Variants in POLR2E observed in about 807,000 individuals in gnomAD.
POLR2E encodes the protein RNA polymerase II, I and III subunit E, also known as DNA-directed RNA polymerases I, II, and III subunit RPABC1.
POLR2E carries 35 observed loss-of-function variants against 29.8 expected under a neutral mutation model. That is an observed-to-expected ratio of 1.17 (90% CI 0.90 to 1.55). The LOEUF (loss-of-function observed/expected upper bound fraction) is 1.55, where lower values mean the gene tolerates loss of function less well. Ranked by LOEUF, POLR2E falls within the 40% of genes most tolerant of loss-of-function variation. POLR2E has a pLI of 0.00. For synonymous variants in POLR2E, 174 were observed against 112.6 expected (o/e 1.55, Z -3.45); for missense variants, 287 against 288.6 (o/e 0.99, Z 0.04).
intron 3 of POLR2E, among the ~76,000 whole-genome samples, chr19:1,091,232 A>G (rs909734327): frequency 2.0e-5 from 3 of 152,184 alleles, no homozygotes; most frequent in Non-Finnish European, 2.9e-5. Flanking sequence ...TCCATCCATC[A>G]CACGCTTCCA....
In POLR2E at chr19:1,089,397, GCCCTGCACACCGACGGAGGGGACGACAC is replaced by G. The variant is rs996349846; in HGVS notation, c.*14+47_*14+74del. The G allele has an allele frequency of 8.8e-4, 856 of 972,838 alleles. 1 individual carries two copies. The highest frequency in any genetic ancestry group is 1.3e-3 in the Non-Finnish European group (793 of 620,056). 60.3% of individuals were successfully genotyped at this position (972,838 alleles called of 1,614,324 possible). ...CTTGCTGCCGGACAAAGCAAGAACAGCCCTGCACACCGACGGAGGGGACGACACCCCTGCCTCTGACCCCACCTCAGTG... is the reference window on the plus strand; with the variant it reads ...CTTGCTGCCGGACAAAGCAAGAACAGCCCTGCCTCTGACCCCACCTCAGTG... On this transcript the variant is annotated intron_variant, in intron 7 of 7. Coordinates refer to ENST00000615234, the MANE Select transcript of POLR2E (RefSeq NM_002695.5).
In POLR2E at chr19:1,090,902, G is replaced by T; in HGVS notation, c.429+6C>A. ...ACGCAGGCGGGATTCCGCGGCGCGC[G>T]CCCACCTCGTGCTCCGTGATGTTGA... On this transcript the variant is annotated splice_donor_region_variant and intron_variant, in intron 4 of 7. Transcript: ENST00000615234. 6.2e-7 allele frequency: 1 copy of T among 1,611,230 alleles called. No homozygotes were observed.
chr19:1,092,196 C>G (rs551694611), intron 2 of POLR2E: 28 of 369,412 alleles, frequency 7.6e-5, no homozygotes, highest in African/African-American at 5.8e-4. Context: ...GGCTCCCACC[C>G]TGGGCAGTTC....
At chr19:1,091,646 G>C in intron 3 of POLR2E, 146 bp downstream of exon 3, 1 of 629,718 alleles carries the variant, frequency 1.6e-6, no homozygotes, top group South Asian at 1.8e-5. Flanking sequence ...GGCGGTCGGG[G>C]CTTGCCGGAC....
chr19:1,091,470 A>G, intron 3 of POLR2E: 1 of 403,280 alleles, frequency 2.5e-6, no homozygotes, highest in South Asian at 2.8e-5. Context: ...CCTGGACATC[A>G]GCTCAGGATA....
intron 2 of POLR2E, 175 bp downstream of exon 2, chr19:1,093,729 G>A: frequency 2.2e-6 from 3 of 1,392,208 alleles, no homozygotes; most frequent in Non-Finnish European, 2.8e-6. Context: ...AGCATGAGAG[G>A]GGTCAGAGAT....
In POLR2E at chr19:1,089,546, C is replaced by G; in HGVS notation, c.573G>C (p.Val191=). ...RYFGIKRGQV[V]KIIRPSETAG... is the part of the protein sequence containing the mutation. ...CCGTCTCACTGGGCCGGATGATCTTCACCACCTGCAGAGACAGAGAGCAGG... is the reference window on the plus strand; with the variant it reads ...CCGTCTCACTGGGCCGGATGATCTTGACCACCTGCAGAGACAGAGAGCAGG... Residue 191 remains valine, a synonymous_variant, in exon 7 of 8, where the codon GTG becomes GTC. Transcript: ENST00000615234. 2 of 1,613,686 alleles carry G rather than the reference C, an allele frequency of 1.2e-6. No homozygotes were observed. The highest frequency in any genetic ancestry group is 1.7e-6 in the Non-Finnish European group (2 of 1,179,696).
At position 1,088,725 on chromosome 19, in the gene POLR2E, G is replaced by GAAAGGGGGAGAGTGGTCACACA. The variant is rs2043764170; in HGVS notation, c.*15-6_*15-5insTGTGTGACCACTCTCCCCCTTT. On this transcript the variant is annotated splice_polypyrimidine_tract_variant and splice_region_variant and intron_variant, in intron 7 of 7. Coordinates refer to ENST00000615234, the MANE Select transcript of POLR2E (RefSeq NM_002695.5). Reference sequence around the variant, plus strand: ...CTGTGTGTCCGCCTCTAGGGGCTAGGAAAGGGGGAGAGTGGTCACACGACA... The same window carrying GAAAGGGGGAGAGTGGTCACACA: ...CTGTGTGTCCGCCTCTAGGGGCTAGGAAAGGGGGAGAGTGGTCACACAAAAGGGGGAGAGTGGTCACACGACA... The GAAAGGGGGAGAGTGGTCACACA allele has an allele frequency of 6.7e-6, 1 of 148,614 alleles. No homozygotes were observed. Among genetic ancestry groups the GAAAGGGGGAGAGTGGTCACACA allele is most frequent in the Non-Finnish European group, 1.5e-5 (1 of 65,502 alleles). 9.2% of individuals were successfully genotyped at this position (148,614 alleles called of 1,614,324 possible).
Position 1,093,983 on chromosome 19 carries a change from C to T in POLR2E, c.153G>A (p.Gly51=). ...KAQSGDKPSE[G]RPRRTDLTVL... ...CGGTGAGGTCCGTGCGCCGCGGCCGCCCCTCACTCGGCTTGTCCCCAGATT... is the reference window on the plus strand; with the variant it reads ...CGGTGAGGTCCGTGCGCCGCGGCCGTCCCTCACTCGGCTTGTCCCCAGATT... Residue 51 remains glycine, a synonymous_variant, in exon 2 of 8, where the codon GGG becomes GGA. Coordinates refer to ENST00000615234, the MANE Select transcript of POLR2E (RefSeq NM_002695.5). The T allele has an allele frequency of 1.2e-6, 2 of 1,613,802 alleles. No homozygotes were observed. The highest frequency in any genetic ancestry group is 3.3e-5 in the Admixed American group (2 of 59,990).
Position 1,090,050 on chromosome 19 carries a change from C to G in POLR2E, c.488+37G>C, listed in dbSNP as rs199944727. ...GGGGGAACGCGGAAGTCTCGAGGGA[C>G]AGGGAGGGGCGGGGCCGGTGGGGCT... On this transcript the variant is annotated intron_variant, in intron 5 of 7. Transcript: ENST00000615234. 1,867 of 1,560,948 alleles carry G rather than the reference C, an allele frequency of 1.2e-3. 2 individuals are homozygous for G. The highest frequency in any genetic ancestry group is 1.4e-3 in the Non-Finnish European group (1,661 of 1,147,802).
intron 3 of POLR2E, 169 bp downstream of exon 3, chr19:1,091,623 G>C (rs896932064): frequency 1.7e-6 from 1 of 601,524 alleles, no homozygotes; most frequent in African/African-American, 1.8e-5. Flanking sequence ...GCCCATGGAC[G>C]CGGTGGGAGG....
At chr19:1,089,401 T>G (rs770763096) in intron 7 of POLR2E, 71 bp downstream of exon 7, 17 of 1,022,174 alleles carry the variant, frequency 1.7e-5, no homozygotes, top group Non-Finnish European at 2.4e-5. Context: ...AGAACAGCCC[T>G]GCACACCGAC....
chr19:1,091,554 C>G (rs1726951562), intron 3 of POLR2E: 3 of 547,260 alleles, frequency 5.5e-6, no homozygotes, highest in Non-Finnish European at 9.9e-6. Context: ...AGGCACAGTG[C>G]CCTCCGCCCT....
At chr19:1,092,708 T>A (rs2043863614) in intron 2 of POLR2E, among the ~76,000 whole-genome samples, 1 of 149,486 alleles carries the variant, frequency 6.7e-6, no homozygotes, top group Non-Finnish European at 1.5e-5. Context: ...ATTAATTAAT[T>A]AATAAACAAT....
rs1373448309 is a variant in POLR2E at position 1,087,096 on chromosome 19, TCCTCCCGCCTCAG to T, written c.*1626_*1638del. 1 of 151,752 alleles carries T rather than the reference TCCTCCCGCCTCAG, an allele frequency of 6.6e-6. No homozygotes were observed. The highest frequency in any genetic ancestry group is 6.6e-5 in the Admixed American group (1 of 15,170). 9.4% of individuals were successfully genotyped at this position (151,752 alleles called of 1,614,324 possible). Reference sequence around the variant, plus strand: ...GCCTCGGCCTCCTGGGCTCAAATGATCCTCCCGCCTCAGCCTCCCAAAGTGTTGGGATTACAGG... The same window carrying T: ...GCCTCGGCCTCCTGGGCTCAAATGATCCTCCCAAAGTGTTGGGATTACAGG... On this transcript the variant is annotated 3_prime_UTR_variant, in exon 8 of 8. Coordinates refer to ENST00000615234, the MANE Select transcript of POLR2E (RefSeq NM_002695.5).
At chr19:1,089,063 C>T (rs932640504) in intron 7 of POLR2E, among the ~76,000 whole-genome samples, 1 of 152,206 alleles carries the variant, frequency 6.6e-6, no homozygotes, top group Non-Finnish European at 1.5e-5. Flanking sequence ...GAGACTCCGG[C>T]CAGTCCCTCC....
rs577896097 is a variant in POLR2E at position 1,086,811 on chromosome 19, C to G, written c.*1924G>C. On this transcript the variant is annotated 3_prime_UTR_variant, in exon 8 of 8. Coordinates refer to ENST00000615234, the MANE Select transcript of POLR2E (RefSeq NM_002695.5). ...CCCGCGAGGTGGGAGCCCGGGTGGT[C>G]TTCACCACAGGCTGTGCAGACGGTC... The G allele has an allele frequency of 6.6e-6, 1 of 152,152 alleles. No homozygotes were observed. Among genetic ancestry groups the G allele is most frequent in the African/African-American group, 2.4e-5 (1 of 41,402 alleles). The allele number at this position is 152,152 out of a possible 1,614,324, so 9.4% of individuals were successfully genotyped here. A position where few individuals can be genotyped will look rare whatever the true frequency, so the allele number is the denominator to read the frequency against.
intron 7 of POLR2E, 42 bp downstream of exon 7, chr19:1,089,430 G>T (rs898167186): frequency 7.4e-7 from 1 of 1,348,502 alleles, no homozygotes; most frequent in Non-Finnish European, 1.1e-6. Context: ...CGACACCCCT[G>T]CCTCTGACCC....
At chr19:1,093,204 A>T (rs544882713) in intron 2 of POLR2E, among the ~76,000 whole-genome samples, 1 of 152,130 alleles carries the variant, frequency 6.6e-6, no homozygotes, top group African/African-American at 2.4e-5. Flanking sequence ...AAAACAAAAA[A>T]AAAACAAAAA....
Sources: gnomAD v4.1 joint callset for allele counts (sites outside exome capture counted in the v4.1 genomes callset) on GRCh38, gnomAD v4.1.1 for gene constraint, MANE v1.5 for transcripts, NCBI Gene and HGNC (gene_info 2026-07-23, HGNC 2026-07-21) for gene names.